The following RBFOX1 variants were observed in gnomAD, a reference collection of about 807,000 sequenced individuals.
RBFOX1 encodes the protein RNA binding protein fox-1 homolog 1.
RBFOX1 carries 8 observed loss-of-function variants against 57.7 expected under a neutral mutation model. That is an observed-to-expected ratio of 0.14 (90% CI 0.08 to 0.25). RBFOX1 has a LOEUF of 0.25. RBFOX1 is among the 10% of genes least tolerant of loss of function. The probability of loss-of-function intolerance (pLI) is 1.00; values close to 1 mark genes in which losing one functional copy is unlikely to be tolerated. For synonymous variants in RBFOX1, 326 were observed against 222.4 expected, an observed-to-expected ratio of 1.47 and a Z score of -4.15; for missense variants, 611 against 548.5, an observed-to-expected ratio of 1.11 and a Z score of -1.14.
At chr16:7,142,221 A>T (rs1334511776) in intron 4 of RBFOX1, among the ~76,000 whole-genome samples, 1 of 151,988 alleles carries the variant, frequency 6.6e-6, no homozygotes, top group East Asian at 1.9e-4. Context: ...ATGGGGTTTC[A>T]TCATGTTGTC....
At chr16:7,635,609 A>G (rs2061626906) in intron 11 of RBFOX1, among the ~76,000 whole-genome samples, 1 of 152,076 alleles carries the variant, frequency 6.6e-6, no homozygotes, top group African/African-American at 2.4e-5. Context: ...GACTTTACAG[A>G]GGAGAGTATA....
At chr16:7,127,400 C>T (rs1000435644) in intron 4 of RBFOX1, among the ~76,000 whole-genome samples, 1 of 152,244 alleles carries the variant, frequency 6.6e-6, no homozygotes, top group Middle Eastern at 3.4e-3. Flanking sequence ...TATTATCACC[C>T]TATGCACTTA....
At chr16:7,111,856 G>T (rs1407329152) in intron 4 of RBFOX1, among the ~76,000 whole-genome samples, 1 of 151,786 alleles carries the variant, frequency 6.6e-6, no homozygotes, top group African/African-American at 2.4e-5. Context: ...ACATCCACTT[G>T]TATAAATTGA....
At chr16:6,761,174 G>A (rs1603615796) in intron 3 of RBFOX1, among the ~76,000 whole-genome samples, 1 of 152,098 alleles carries the variant, frequency 6.6e-6, no homozygotes, top group South Asian at 2.1e-4. Context: ...ATGTGAATCT[G>A]TACTTTATTT....
intron 4 of RBFOX1, among the ~76,000 whole-genome samples, chr16:7,359,227 A>C (rs1462168328): frequency 6.6e-6 from 1 of 152,228 alleles, no homozygotes; most frequent in Non-Finnish European, 1.5e-5. Context: ...CTTACCTCTC[A>C]GAGGGACGAT....
At chr16:5,830,446 C>G (rs1359957543) in intron 3 of RBFOX1, among the ~76,000 whole-genome samples, 1 of 151,636 alleles carries the variant, frequency 6.6e-6, no homozygotes, top group African/African-American at 2.4e-5. Context: ...TTATCACAGA[C>G]TCGCCACTGA....
At chr16:7,197,276 A>G (rs1024582829) in intron 4 of RBFOX1, among the ~76,000 whole-genome samples, 6 of 152,078 alleles carry the variant, frequency 3.9e-5, no homozygotes, top group African/African-American at 1.4e-4. Context: ...CTGAGCAGCT[A>G]TTGCTTCATG....
chr16:5,663,835 T>C (rs544129335), intron 3 of RBFOX1, among the ~76,000 whole-genome samples: 1 of 152,304 alleles, frequency 6.6e-6, no homozygotes, highest in South Asian at 2.1e-4. Flanking sequence ...AAAAGGCAGC[T>C]GTGCATTTTA....
intron 10 of RBFOX1, among the ~76,000 whole-genome samples, chr16:7,623,204 C>A (rs2059573623): frequency 6.6e-6 from 1 of 152,184 alleles, no homozygotes; most frequent in South Asian, 2.1e-4. Flanking sequence ...CAGTTCCCAA[C>A]CATTTTGGCA....
intron 1 of RBFOX1, among the ~76,000 whole-genome samples, chr16:6,295,877 C>T (rs886120675): frequency 1.2e-4 from 19 of 152,210 alleles, no homozygotes; most frequent in African/African-American, 2.4e-4. Context: ...GATTGTGATC[C>T]TTGGCACCGA....
At chr16:5,827,088 C>G (rs1362986377) in intron 3 of RBFOX1, among the ~76,000 whole-genome samples, 2 of 152,140 alleles carry the variant, frequency 1.3e-5, no homozygotes, top group African/African-American at 4.8e-5. Flanking sequence ...CTCTTTCACA[C>G]ATGAGACCCT....
chr16:5,840,151 A>G (rs1567610735), intron 3 of RBFOX1, among the ~76,000 whole-genome samples: 1 of 152,062 alleles, frequency 6.6e-6, no homozygotes, highest in Non-Finnish European at 1.5e-5. Flanking sequence ...TATTTCCCCC[A>G]TTGTGTTTTA....
At chr16:5,342,750 C>A (rs570043970) in intron 1 of RBFOX1, among the ~76,000 whole-genome samples, 2 of 152,308 alleles carry the variant, frequency 1.3e-5, no homozygotes, top group South Asian at 4.1e-4. Flanking sequence ...TTCCTTGGTG[C>A]ACATCCAAAC....
chr16:5,588,390 T>C (rs1196276017), intron 2 of RBFOX1, among the ~76,000 whole-genome samples: 1 of 152,136 alleles, frequency 6.6e-6, no homozygotes, highest in Non-Finnish European at 1.5e-5. Context: ...TGACTGAGAA[T>C]TGTGGCACAG....
At chr16:7,150,089 T>G (rs2075822794) in intron 4 of RBFOX1, among the ~76,000 whole-genome samples, 1 of 152,182 alleles carries the variant, frequency 6.6e-6, no homozygotes, top group African/African-American at 2.4e-5. Context: ...TGCCTGTTCT[T>G]CCCTCTCTCT....
chr16:6,804,396 C>A (rs1320217841), intron 3 of RBFOX1, among the ~76,000 whole-genome samples: 3 of 152,164 alleles, frequency 2.0e-5, no homozygotes, highest in African/African-American at 7.2e-5. Context: ...AATGCCCCAT[C>A]TAGCCCTGCA....
intron 3 of RBFOX1, among the ~76,000 whole-genome samples, chr16:6,995,832 A>T (rs1596405309): frequency 6.6e-6 from 1 of 152,276 alleles, no homozygotes; most frequent in African/African-American, 2.4e-5. Flanking sequence ...TACACTTGAG[A>T]TTGGTTCAGA....
chr16:6,623,442 TC>T (rs2098262160), intron 2 of RBFOX1, among the ~76,000 whole-genome samples: 1 of 34,022 alleles, frequency 2.9e-5, no homozygotes, highest in African/African-American at 5.0e-5. Flanking sequence ...AGGTGAAAAT[TC>T]TTTTTTTTTT....
chr16:7,149,870 C>G (rs978819829), intron 4 of RBFOX1, among the ~76,000 whole-genome samples: 2 of 152,210 alleles, frequency 1.3e-5, no homozygotes, highest in African/African-American at 4.8e-5. Flanking sequence ...TAATGTAGCC[C>G]TTTCTATCTG....
Sources: gnomAD v4.1 joint callset for allele counts (sites outside exome capture counted in the v4.1 genomes callset) on GRCh38, gnomAD v4.1.1 for gene constraint, MANE v1.5 for transcripts, NCBI Gene and HGNC (gene_info 2026-07-23, HGNC 2026-07-21) for gene names.